The following ZNF469 variants were observed in gnomAD, a reference collection of about 807,000 sequenced individuals.
The protein encoded by ZNF469 is zinc finger protein 469.
Under a neutral mutation model 1.0 loss-of-function variants are expected in ZNF469, and 1 was observed. That is an observed-to-expected ratio of 1.00 (90% CI 0.35 to 4.73). The LOEUF is 4.73. ZNF469 is among the 30% of genes most tolerant of loss of function. The pLI is 0.16. For missense variants in ZNF469, 6,100 were observed against 5,356.3 expected (o/e 1.14, Z -4.33); for synonymous variants, 2,703 against 2,363.4 (o/e 1.14, Z -4.17).
the ZNF469 span, among the ~76,000 whole-genome samples, chr16:88,262,517 T>C: frequency 1.3e-5 from 2 of 152,126 alleles, no homozygotes; most frequent in Non-Finnish European, 2.9e-5. The surrounding 1 kb of genome is among the most constrained non-coding windows in gnomAD (Gnocchi z 4.3). Flanking sequence ...AGATGGGCCC[T>C]TCCATGGGGC....
the ZNF469 span, among the ~76,000 whole-genome samples, chr16:88,101,871 C>T: frequency 6.6e-5 from 10 of 152,154 alleles, no homozygotes; most frequent in South Asian, 2.1e-4. Flanking sequence ...TCCTCCATGA[C>T]GTGTAGACAT....
rs527741464 is a variant in ZNF469, at chr16:88,413,837, C to T, written c.-191-10970C>T. ...GCAGCCTCCGCAGCAGTGGGGAGAG[C>T]GACCGGGCCAGCCCCCAGGGCTGTG... On this transcript the variant is annotated intron_variant, in intron 1 of 2. Coordinates refer to ENST00000565624, the MANE Select transcript of ZNF469 (RefSeq NM_001367624.2). Among the ~76,000 whole-genome samples the T allele has an allele frequency of 1.6e-3, 248 of 152,310 alleles. 1 individual carries two copies. The highest frequency in any genetic ancestry group is 5.5e-3 in the African/African-American group (230 of 41,574).
chr16:88,236,649 C>G, the ZNF469 span, among the ~76,000 whole-genome samples: 1 of 152,228 alleles, frequency 6.6e-6, no homozygotes, highest in African/African-American at 2.4e-5. Flanking sequence ...GGTGGATCAC[C>G]TGAGGTCAGG....
At chr16:88,128,125 G>A in the ZNF469 span, among the ~76,000 whole-genome samples, 1 of 152,190 alleles carries the variant, frequency 6.6e-6, no homozygotes, top group African/African-American at 2.4e-5. Context: ...GCAGAGGATG[G>A]CAGCTGTTGG....
chr16:88,370,240 C>G, the ZNF469 span, among the ~76,000 whole-genome samples: 25 of 152,194 alleles, frequency 1.6e-4, no homozygotes, highest in Non-Finnish European at 2.6e-4. Flanking sequence ...TAAGAACAAG[C>G]CTTTTCAGCA....
At chr16:88,235,777 G>A in the ZNF469 span, among the ~76,000 whole-genome samples, 80 of 152,318 alleles carry the variant, frequency 5.3e-4, no homozygotes, top group Admixed American at 1.4e-3. Context: ...TGTGAGGAGC[G>A]TGACCCGTGA....
At chr16:88,357,458 G>A in the ZNF469 span, among the ~76,000 whole-genome samples, 1 of 152,086 alleles carries the variant, frequency 6.6e-6, no homozygotes, top group African/African-American at 2.4e-5. Context: ...GTCTCATCCC[G>A]GCCCTGATCC....
At position 88,429,362 on chromosome 16, in the gene ZNF469, C is replaced by T; in HGVS notation, c.1892C>T (p.Pro631Leu). ...EESQLPGPLG[P>L]SAFFHPPTHP... ...AGCCAGCTCCCCGGCCCCCTCGGGC[C>T]CTCGGCCTTCTTCCACCCACCCACT... is the stretch of plus-strand genomic sequence containing the variant. The change falls in exon 3 of 3, where the codon CCC (proline) becomes CTC (leucine). Residue 631 changes from proline to leucine, a missense_variant. Transcript: ENST00000565624. 6.5e-7 allele frequency: 1 copy of T among 1,549,848 alleles called. No individual in the cohort carries two copies. Among genetic ancestry groups the T allele is most frequent in the Non-Finnish European group, 8.7e-7 (1 of 1,146,792 alleles).
chr16:88,109,132 C>T, the ZNF469 span, among the ~76,000 whole-genome samples: 5 of 152,194 alleles, frequency 3.3e-5, no homozygotes, highest in Admixed American at 1.3e-4. Flanking sequence ...AAATGGCTGC[C>T]GTGTCACCCC....
chr16:88,186,421 G>A, the ZNF469 span, among the ~76,000 whole-genome samples: 1 of 152,278 alleles, frequency 6.6e-6, no homozygotes, highest in East Asian at 1.9e-4. Flanking sequence ...CAGGCCGACC[G>A]GGGAGGCTGC....
At chr16:88,370,553 C>T in the ZNF469 span, among the ~76,000 whole-genome samples, 32 of 152,258 alleles carry the variant, frequency 2.1e-4, no homozygotes, top group Middle Eastern at 6.8e-3. Flanking sequence ...GGGTTCCTCT[C>T]GGGGTTAGAC....
the ZNF469 span, among the ~76,000 whole-genome samples, chr16:88,289,142 G>A: frequency 1.3e-5 from 2 of 151,100 alleles, no homozygotes; most frequent in African/African-American, 4.9e-5. Context: ...GTGGTGTTGA[G>A]GATGATGGTG....
chr16:88,185,505 A>G, the ZNF469 span, among the ~76,000 whole-genome samples: 1 of 147,180 alleles, frequency 6.8e-6, no homozygotes, highest in Non-Finnish European at 1.5e-5. Context: ...TAATACATGC[A>G]CACATGCATA....
chr16:88,431,926 G>T lies in ZNF469; in HGVS notation c.4456G>T (p.Asp1486Tyr). 6.5e-7 allele frequency: 1 copy of T among 1,549,410 alleles called. No individual in the cohort carries two copies. The highest frequency in any genetic ancestry group is 1.4e-5 in the African/African-American group (1 of 73,092). Residue 1486 changes from aspartate to tyrosine, a missense_variant, in exon 3 of 3, where the codon GAC becomes TAC. By Grantham distance (160) the Asp-to-Tyr change is radical. Coordinates refer to ENST00000565624, the MANE Select transcript of ZNF469 (RefSeq NM_001367624.2). ...RDSGLPFACA[D>Y]PPQKTVPSDP... ...CTCCGGTCTGCCGTTCGCATGTGCCGACCCTCCCCAGAAGACGGTGCCGTC... is the reference window on the plus strand; with the variant it reads ...CTCCGGTCTGCCGTTCGCATGTGCCTACCCTCCCCAGAAGACGGTGCCGTC...
chr16:88,217,065 CTG>C, the ZNF469 span, among the ~76,000 whole-genome samples: 1 of 152,210 alleles, frequency 6.6e-6, no homozygotes, highest in Non-Finnish European at 1.5e-5. Context: ...TGGATCATCT[CTG>C]TATCTGCTTC....
the ZNF469 span, chr16:88,192,215 G>C: frequency 1.3e-5 from 2 of 152,286 alleles, no homozygotes; most frequent in Non-Finnish European, 2.9e-5. Context: ...GCCTGAGCTG[G>C]TGGAAGCGTT....
chr16:88,230,398 G>A, the ZNF469 span, among the ~76,000 whole-genome samples: 3 of 152,206 alleles, frequency 2.0e-5, no homozygotes, highest in Non-Finnish European at 2.9e-5. Context: ...GGCAGCCCTG[G>A]GGAGTGGGCA....
chr16:88,212,775 G>A, the ZNF469 span, among the ~76,000 whole-genome samples: 1 of 152,220 alleles, frequency 6.6e-6, no homozygotes, highest in South Asian at 2.1e-4. Context: ...GTAGAGACAG[G>A]GTTTTGCCAT....
chr16:88,329,624 G>A, the ZNF469 span, among the ~76,000 whole-genome samples: 1 of 152,226 alleles, frequency 6.6e-6, no homozygotes, highest in Non-Finnish European at 1.5e-5. Flanking sequence ...AATCCTGGGA[G>A]CGCTTCGGTC....
Sources: allele counts gnomAD v4.1 joint callset (sites outside exome capture counted in the v4.1 genomes callset), GRCh38; gene constraint gnomAD v4.1.1; non-coding constraint Gnocchi (gnomAD v3.1); transcripts MANE v1.5; gene names NCBI Gene and HGNC (gene_info 2026-07-23, HGNC 2026-07-21).